Variants in SDC2 observed in about 807,000 individuals in gnomAD.
The protein encoded by SDC2 is syndecan-2.
In SDC2, 13 loss-of-function variants were observed where a neutral mutation model predicts 22.2. The ratio of observed to expected loss-of-function variants is 0.59; its 90% confidence interval spans 0.38 to 0.93. SDC2 has a LOEUF of 0.93. SDC2 is among the 40% of genes least tolerant of loss of function. The probability of loss-of-function intolerance (pLI) is 0.00; values close to 1 mark genes in which losing one functional copy is unlikely to be tolerated. For synonymous variants in SDC2, 94 were observed against 92.8 expected, an observed-to-expected ratio of 1.01 and a Z score of -0.07; for missense variants, 235 against 246.8, an observed-to-expected ratio of 0.95 and a Z score of 0.32.
At chr8:96,577,387 G>A (rs553117725) in intron 1 of SDC2, among the ~76,000 whole-genome samples, 12 of 152,250 alleles carry the variant, frequency 7.9e-5, no homozygotes, top group African/African-American at 2.9e-4. Context: ...GAGTTCTCCA[G>A]GTATTTGTCT....
intron 1 of SDC2, among the ~76,000 whole-genome samples, chr8:96,581,960 T>G (rs1299313614): frequency 6.6e-6 from 1 of 152,206 alleles, no homozygotes; most frequent in Non-Finnish European, 1.5e-5. Context: ...TGCGTTTGCT[T>G]TGAGATGGCA....
chr8:96,572,196 A>C (rs1041544057), intron 1 of SDC2, among the ~76,000 whole-genome samples: 3 of 152,230 alleles, frequency 2.0e-5, no homozygotes, highest in African/African-American at 7.2e-5. Context: ...GAGGTGCTGC[A>C]GAATGAATTG....
At chr8:96,565,084 A>ATTTTTTTTTTTTTTTTTTTTTTT (rs11304418) in intron 1 of SDC2, among the ~76,000 whole-genome samples, 1,042 of 67,704 alleles carry the variant, frequency 0.015, 226 homozygotes, top group Non-Finnish European at 0.018. Flanking sequence ...CCTAAATTTG[A>ATTTTTTTTTTTTTTTTTTTTTTT]TTTTTTTTTT....
chr8:96,541,674 C>T (rs1430229006), intron 1 of SDC2, among the ~76,000 whole-genome samples: 6 of 134,062 alleles, frequency 4.5e-5, no homozygotes, highest in South Asian at 5.1e-4. Context: ...AGTACAATGG[C>T]GGCTGCCAGG....
chr8:96,575,109 C>T (rs775084421), intron 1 of SDC2, among the ~76,000 whole-genome samples: 13 of 152,194 alleles, frequency 8.5e-5, no homozygotes, highest in Non-Finnish European at 1.8e-4. Flanking sequence ...TGGTTCCTAA[C>T]AGGCCACGGA....
chr8:96,505,667 A>G (rs1813228346), intron 1 of SDC2, among the ~76,000 whole-genome samples: 1 of 152,222 alleles, frequency 6.6e-6, no homozygotes, highest in African/African-American at 2.4e-5. Context: ...AACTTTATTT[A>G]TGTCCCACTT....
At chr8:96,559,975 A>G (rs1563661536) in intron 1 of SDC2, among the ~76,000 whole-genome samples, 1 of 152,224 alleles carries the variant, frequency 6.6e-6, no homozygotes. Flanking sequence ...TGATTTTTTA[A>G]TAGCTGTAAA....
chr8:96,564,869 A>C (rs1814270893), intron 1 of SDC2, among the ~76,000 whole-genome samples: 1 of 152,050 alleles, frequency 6.6e-6, no homozygotes, highest in Non-Finnish European at 1.5e-5. Flanking sequence ...GTGATTGTTT[A>C]GAATACCAGC....
chr8:96,586,192 C>T lies in SDC2; in HGVS notation c.61-7288C>T, dbSNP rs372195912. Reference sequence around the variant, plus strand: ...CTGGCAGTTCCCCTCAGAATAAGGCCGAATTCCAGCTTTTTAAAAAAGAGA... The same window carrying T: ...CTGGCAGTTCCCCTCAGAATAAGGCTGAATTCCAGCTTTTTAAAAAAGAGA... On this transcript the variant is annotated intron_variant, in intron 1 of 4. Coordinates refer to ENST00000302190, the MANE Select transcript of SDC2 (RefSeq NM_002998.4). Among the ~76,000 whole-genome samples the T allele has an allele frequency of 3.5e-3, 528 of 152,180 alleles. 4 individuals carry two copies. The highest frequency in any genetic ancestry group is 0.017 in the South Asian group (81 of 4,806).
intron 1 of SDC2, among the ~76,000 whole-genome samples, chr8:96,568,818 G>C (rs571145872): frequency 6.6e-6 from 1 of 152,280 alleles, no homozygotes; most frequent in South Asian, 2.1e-4. Flanking sequence ...TCATGGTAGG[G>C]AAACAGGTAA....
chr8:96,600,489 A>C (rs944071931), intron 2 of SDC2, among the ~76,000 whole-genome samples: 7 of 152,248 alleles, frequency 4.6e-5, no homozygotes, highest in Non-Finnish European at 8.8e-5. Context: ...AACAAATACC[A>C]GATCAGAGCC....
chr8:96,554,913 A>G (rs1814085164), intron 1 of SDC2, among the ~76,000 whole-genome samples: 1 of 152,044 alleles, frequency 6.6e-6, no homozygotes, highest in Non-Finnish European at 1.5e-5. Flanking sequence ...TCCTCCCTCC[A>G]GGGGCCTTTC....
chr8:96,534,158 C>T (rs572444016), intron 1 of SDC2, among the ~76,000 whole-genome samples: 33 of 152,322 alleles, frequency 2.2e-4, no homozygotes, highest in East Asian at 7.7e-4. Context: ...CTGCAAGCGC[C>T]GTGCGCAGCC....
intron 1 of SDC2, among the ~76,000 whole-genome samples, chr8:96,516,254 T>C (rs373288030): frequency 7.2e-5 from 11 of 152,224 alleles, no homozygotes; most frequent in African/African-American, 2.6e-4. Context: ...GGCCCTCCCC[T>C]CTCTAAAATG....
intron 1 of SDC2, among the ~76,000 whole-genome samples, chr8:96,506,174 CAT>C (rs1287688605): frequency 8.5e-5 from 13 of 152,176 alleles, no homozygotes; most frequent in African/African-American, 2.7e-4. Context: ...ACTTGATTTT[CAT>C]ATGTTTCTCT....
chr8:96,549,770 A>AT, intron 1 of SDC2, among the ~76,000 whole-genome samples: 1 of 152,224 alleles, frequency 6.6e-6, no homozygotes, highest in Non-Finnish European at 1.5e-5. Context: ...AGTATTTACT[A>AT]TTAAATTTGA....
chr8:96,526,921 G>T (rs1026858145), intron 1 of SDC2, among the ~76,000 whole-genome samples: 2 of 152,182 alleles, frequency 1.3e-5, no homozygotes, highest in Non-Finnish European at 2.9e-5. Flanking sequence ...AGACAGGTAA[G>T]TAGCCTCTAG....
chr8:96,494,368 G>C (rs1360003653), intron 1 of SDC2, 37 bp downstream of exon 1: 1 of 1,533,448 alleles, frequency 6.5e-7, no homozygotes, highest in Admixed American at 2.0e-5. Context: ...GCGCCGTTTA[G>C]GGTGTTTGAA....
intron 1 of SDC2, among the ~76,000 whole-genome samples, chr8:96,590,717 A>G (rs1814766813): frequency 6.6e-6 from 1 of 152,134 alleles, no homozygotes; most frequent in African/African-American, 2.4e-5. Flanking sequence ...TTTATGTTAA[A>G]TTGGACTTCA....
Sources: gnomAD v4.1 joint callset for allele counts (sites outside exome capture counted in the v4.1 genomes callset) on GRCh38, gnomAD v4.1.1 for gene constraint, MANE v1.5 for transcripts, NCBI Gene and HGNC (gene_info 2026-07-23, HGNC 2026-07-21) for gene names.